The following SLC5A7 variants were observed in gnomAD, a reference collection of about 807,000 sequenced individuals.
SLC5A7 encodes high affinity choline transporter 1.
Under a neutral mutation model 55.4 loss-of-function variants are expected in SLC5A7, and 19 were observed. The ratio of observed to expected loss-of-function variants is 0.34; its 90% CI spans 0.24 to 0.50. SLC5A7 has a LOEUF of 0.50. SLC5A7 is among the 20% of genes least tolerant of loss of function. SLC5A7 has a pLI of 0.98. For synonymous variants in SLC5A7, 265 were observed against 263.7 expected, an observed-to-expected ratio of 1.00 and a Z score of -0.05; for missense variants, 506 against 705.3, an observed-to-expected ratio of 0.72 and a Z score of 3.20.
intron 7 of SLC5A7, among the ~76,000 whole-genome samples, chr2:108,007,926 T>C (rs1422820363): frequency 6.6e-6 from 1 of 152,216 alleles, no homozygotes; most frequent in Non-Finnish European, 1.5e-5. Flanking sequence ...ATGACTGTAA[T>C]TTTTATTCAA....
rs2104364447 is a variant in SLC5A7 at position 108,001,955 on chromosome 2, C to T, written c.656C>T (p.Ala219Val). 1 of 1,614,172 alleles carries T rather than the reference C, an allele frequency of 6.2e-7. No homozygotes were observed. Among genetic ancestry groups the T allele is most frequent in the African/African-American group, 1.3e-5 (1 of 75,054 alleles). ...GCAGTCGCAGACATCGGGTTCACTGCTGTGCATGCCAAATACCAAAAGCCG... is the reference window on the plus strand; with the variant it reads ...GCAGTCGCAGACATCGGGTTCACTGTTGTGCATGCCAAATACCAAAAGCCG... ...HPAVADIGFT[A>V]VHAKYQKPWL... Residue 219 changes from alanine (A) to valine (V), a missense_variant, in exon 6 of 9, where the codon GCT becomes GTT. Coordinates refer to ENST00000264047, the MANE Select transcript of SLC5A7 (RefSeq NM_021815.5).
rs572930624 is a variant in SLC5A7, at chr2:107,987,039, A to G, written c.-52+276A>G. Among the ~76,000 whole-genome samples the G allele has an allele frequency of 3.3e-5, 5 of 152,128 alleles. No individual in the cohort carries two copies. The South Asian group carries it at 1.0e-3, about 32-fold the overall frequency. ...GAGGAACTTGCCTGCTTGGTTGCTC[A>G]CAAAGGCAGAGAAGACACAGCCCGC... On this transcript the variant is annotated intron_variant, in intron 1 of 8. Coordinates refer to ENST00000264047, the MANE Select transcript of SLC5A7 (RefSeq NM_021815.5).
intron 4 of SLC5A7, among the ~76,000 whole-genome samples, chr2:107,994,136 G>A (rs775741731): frequency 1.3e-5 from 2 of 152,204 alleles, no homozygotes; most frequent in African/African-American, 2.4e-5. Flanking sequence ...AGGCAGCTGG[G>A]AGATGGAAGC....
At chr2:108,004,065 C>T (rs1210090334) in intron 6 of SLC5A7, among the ~76,000 whole-genome samples, 1 of 152,118 alleles carries the variant, frequency 6.6e-6, no homozygotes, top group African/African-American at 2.4e-5. Context: ...CCCAAAGACC[C>T]CACCTCTGAA....
intron 6 of SLC5A7, among the ~76,000 whole-genome samples, chr2:108,005,392 A>C (rs1211861706): frequency 6.6e-6 from 1 of 152,220 alleles, no homozygotes; most frequent in African/African-American, 2.4e-5. Flanking sequence ...TTTTCTGAGA[A>C]TATTTTATGA....
intron 8 of SLC5A7, 106 bp from the exon 9 acceptor site, chr2:108,010,126 A>G (rs1678261556): frequency 7.4e-7 from 1 of 1,355,186 alleles, no homozygotes; most frequent in Admixed American, 2.4e-5. Flanking sequence ...CATTTGAACC[A>G]GGAGAATTCT....
chr2:107,999,344 A>C (rs1400712058), intron 5 of SLC5A7, among the ~76,000 whole-genome samples: 1 of 152,214 alleles, frequency 6.6e-6, no homozygotes, highest in Non-Finnish European at 1.5e-5. Context: ...GACAGCTCTC[A>C]TAACTGATGC....
Position 108,011,534 on chromosome 2 carries a change from C to A in SLC5A7, c.*673C>A, listed in dbSNP as rs1573620145. The A allele has an allele frequency of 6.6e-6, 1 of 152,070 alleles. No homozygotes were observed. Among genetic ancestry groups the A allele is most frequent in the Admixed American group, 6.6e-5 (1 of 15,248 alleles). 9.4% of individuals were successfully genotyped at this position (152,070 alleles called of 1,614,324 possible). A position where few individuals can be genotyped will look rare whatever the true frequency, so the allele number is the denominator to read the frequency against. On this transcript the variant is annotated 3_prime_UTR_variant, in exon 9 of 9. Transcript: ENST00000264047. Reference sequence around the variant, plus strand: ...TCCATCTTTGTAGAAGAGCACTGGGCTAATTTGTATGTTTCCATAGCTACT... The same window carrying A: ...TCCATCTTTGTAGAAGAGCACTGGGATAATTTGTATGTTTCCATAGCTACT...
At chr2:107,995,443 G>A (rs1235186668) in intron 4 of SLC5A7, among the ~76,000 whole-genome samples, 4 of 124,760 alleles carry the variant, frequency 3.2e-5, no homozygotes, top group African/African-American at 9.8e-5. Flanking sequence ...TGAACTCTTT[G>A]GGAGAGAGAG....
At position 108,005,974 on chromosome 2, in the gene SLC5A7, T is replaced by C. The variant is rs1340825060; in HGVS notation, c.742-75T>C. 2.7e-5 allele frequency: 43 copies of C among 1,577,178 alleles called. 1 individual carries two copies. The South Asian group carries it at 4.2e-4, about 16-fold the overall frequency. On this transcript the variant is annotated intron_variant, in intron 6 of 8. Transcript: ENST00000264047. Reference sequence around the variant, plus strand: ...TTCTAAGTTGTACTTAGGCCTATTCTAAATGTGATTGCAATAAAACTCTTT... The same window carrying C: ...TTCTAAGTTGTACTTAGGCCTATTCCAAATGTGATTGCAATAAAACTCTTT...
intron 5 of SLC5A7, 45 bp downstream of exon 5, chr2:107,998,031 G>A: frequency 6.4e-7 from 1 of 1,568,812 alleles, no homozygotes; most frequent in Non-Finnish European, 8.6e-7. Flanking sequence ...TTCTGTAAAA[G>A]GTAATGTATT....
intron 4 of SLC5A7, among the ~76,000 whole-genome samples, chr2:107,993,888 T>C (rs1011519601): frequency 1.3e-5 from 2 of 152,202 alleles, no homozygotes; most frequent in African/African-American, 4.8e-5. Context: ...AAACTTGAAA[T>C]ATTTCCATAA....
intron 3 of SLC5A7, 51 bp downstream of exon 3, chr2:107,992,270 A>G: frequency 9.4e-7 from 1 of 1,059,856 alleles, no homozygotes; most frequent in Non-Finnish European, 1.4e-6. Flanking sequence ...TATACAGAAC[A>G]AGAGTATAAA....
At chr2:108,006,311 C>A in intron 7 of SLC5A7, 109 bp downstream of exon 7, 1 of 1,220,216 alleles carries the variant, frequency 8.2e-7, no homozygotes. Context: ...TTCTTTCTCA[C>A]CACATTCATA....
intron 5 of SLC5A7, among the ~76,000 whole-genome samples, chr2:107,998,339 C>T (rs1677759117): frequency 1.3e-5 from 2 of 152,180 alleles, no homozygotes; most frequent in South Asian, 2.1e-4. Flanking sequence ...GTAACTTGTA[C>T]AAGTCTCCCT....
chr2:107,994,756 C>T (rs1337829109), intron 4 of SLC5A7, among the ~76,000 whole-genome samples: 1 of 152,070 alleles, frequency 6.6e-6, no homozygotes, highest in Non-Finnish European at 1.5e-5. Flanking sequence ...CGCTTGTTTG[C>T]CATTGCTTTG....
chr2:107,988,798 CATAA>C (rs1487108231), intron 2 of SLC5A7, among the ~76,000 whole-genome samples: 2 of 152,136 alleles, frequency 1.3e-5, no homozygotes, highest in East Asian at 3.8e-4. Flanking sequence ...TTTTAATCTG[CATAA>C]ATAAATTTGG....
intron 4 of SLC5A7, among the ~76,000 whole-genome samples, chr2:107,994,384 C>T (rs542247613): frequency 3.3e-5 from 5 of 152,100 alleles, no homozygotes; most frequent in African/African-American, 7.2e-5. Flanking sequence ...GAGATCGAGA[C>T]CATCCTGGCC....
chr2:108,000,483 A>G (rs1677841566), intron 5 of SLC5A7, among the ~76,000 whole-genome samples: 2 of 152,286 alleles, frequency 1.3e-5, no homozygotes, highest in East Asian at 3.9e-4. Flanking sequence ...TTATTTGTAG[A>G]GACCAGGTCT....
Sources: allele counts gnomAD v4.1 joint callset (sites outside exome capture counted in the v4.1 genomes callset), GRCh38; gene constraint gnomAD v4.1.1; transcripts MANE v1.5; gene names NCBI Gene and HGNC (gene_info 2026-07-23, HGNC 2026-07-21).